The following TAFA5 variants were observed in gnomAD, a reference collection of about 807,000 sequenced individuals.
TAFA5 encodes chemokine-like protein TAFA-5.
In TAFA5, 6 loss-of-function variants were observed where a neutral mutation model predicts 15.3. The ratio of observed to expected loss-of-function variants is 0.39; its 90% CI spans 0.21 to 0.77. The LOEUF (loss-of-function observed/expected upper bound fraction) is 0.77. Among genes scored for constraint, TAFA5 ranks in the 30% least tolerant of loss-of-function variants. The pLI is 0.41. For missense variants in TAFA5, 161 were observed against 193.1 expected, an observed-to-expected ratio of 0.83 and a Z score of 0.98; for synonymous variants, 103 against 80.7, an observed-to-expected ratio of 1.28 and a Z score of -1.48.
At chr22:48,643,871 C>T (rs563719658) in intron 1 of TAFA5, among the ~76,000 whole-genome samples, 8 of 152,308 alleles carry the variant, frequency 5.3e-5, no homozygotes, top group East Asian at 3.9e-4. Flanking sequence ...GTGGCGGCAA[C>T]GCAGCCTGGA....
intron 2 of TAFA5, 106 bp from the exon 3 acceptor site, chr22:48,707,611 T>C: frequency 7.2e-7 from 1 of 1,396,046 alleles, no homozygotes; most frequent in Non-Finnish European, 9.7e-7. Context: ...ACGCCGGGCA[T>C]TGCCTGAGGG....
At chr22:48,596,241 C>T (rs1012419006) in intron 1 of TAFA5, among the ~76,000 whole-genome samples, 1 of 152,224 alleles carries the variant, frequency 6.6e-6, no homozygotes, top group Non-Finnish European at 1.5e-5. Flanking sequence ...GTTGAAGAGA[C>T]GCGGCCTTCT....
At chr22:48,537,757 CT>C (rs1922220235) in intron 1 of TAFA5, among the ~76,000 whole-genome samples, 1 of 152,232 alleles carries the variant, frequency 6.6e-6, no homozygotes, top group East Asian at 1.9e-4. Flanking sequence ...GCCCAGCAGC[CT>C]AGAAGGCCCC....
intron 1 of TAFA5, among the ~76,000 whole-genome samples, chr22:48,513,190 G>A (rs133508): frequency 0.27 from 41,092 of 152,124 alleles, 5,836 homozygotes; most frequent in Middle Eastern, 0.34. Context: ...ACCCTACACC[G>A]TCTACAGGAA....
intron 2 of TAFA5, among the ~76,000 whole-genome samples, chr22:48,689,188 G>A (rs1928460290): frequency 6.6e-6 from 1 of 152,100 alleles, no homozygotes; most frequent in Admixed American, 6.5e-5. Flanking sequence ...AGTTAGGGAG[G>A]CGCGGTTTTC....
At chr22:48,536,086 G>T (rs140455952) in intron 1 of TAFA5, among the ~76,000 whole-genome samples, 1 of 152,230 alleles carries the variant, frequency 6.6e-6, no homozygotes, top group African/African-American at 2.4e-5. Context: ...CGCATGCAGC[G>T]AGTTCCCGCA....
chr22:48,584,262 TCACACACCACA>T (rs1431475798), intron 1 of TAFA5, among the ~76,000 whole-genome samples: 1 of 103,764 alleles, frequency 9.6e-6, no homozygotes, highest in Non-Finnish European at 1.9e-5. Flanking sequence ...ACAAAATACA[TCACACACCACA>T]CACACACACA....
intron 1 of TAFA5, among the ~76,000 whole-genome samples, chr22:48,521,424 C>T (rs535452614): frequency 1.3e-5 from 2 of 152,000 alleles, no homozygotes; most frequent in East Asian, 3.9e-4. Flanking sequence ...CTCGCCTTTG[C>T]TTCCACCTCG....
chr22:48,705,241 G>A (rs886269437), intron 2 of TAFA5, among the ~76,000 whole-genome samples: 1 of 152,108 alleles, frequency 6.6e-6, no homozygotes, highest in Non-Finnish European at 1.5e-5. Flanking sequence ...TGAAGGTGCC[G>A]GGGGTGGGGT....
chr22:48,540,058 G>T (rs568536686), intron 1 of TAFA5, among the ~76,000 whole-genome samples: 1 of 152,194 alleles, frequency 6.6e-6, no homozygotes, highest in Admixed American at 6.5e-5. Flanking sequence ...GAGCAGCCGG[G>T]TAAAAGCCGG....
At chr22:48,634,329 TTCAA>T (rs1468117959) in intron 1 of TAFA5, among the ~76,000 whole-genome samples, 2 of 152,154 alleles carry the variant, frequency 1.3e-5, no homozygotes, top group Non-Finnish European at 2.9e-5. Context: ...CACTCACTTA[TTCAA>T]TCATTCACTC....
At chr22:48,697,552 GTGA>G (rs200480068) in intron 2 of TAFA5, among the ~76,000 whole-genome samples, 2 of 151,960 alleles carry the variant, frequency 1.3e-5, no homozygotes, top group East Asian at 3.9e-4. Context: ...AATCATGGTG[GTGA>G]TGGTGGTGGT....
Position 48,664,207 on chromosome 22 carries a change from C to T in TAFA5, c.262+17461C>T, listed in dbSNP as rs557864831. Among the ~76,000 whole-genome samples the T allele has an allele frequency of 8.5e-5, 13 of 152,296 alleles. No homozygotes were observed. The East Asian group carries it at 1.2e-3, about 14-fold the overall frequency. On this transcript the variant is annotated intron_variant, in intron 2 of 3. Coordinates refer to ENST00000402357, the MANE Select transcript of TAFA5 (RefSeq NM_001082967.3). ...GGCAGCTGGGTTTGGTACTCTCTGC[C>T]GTTCCAGTCAGCCACTGGTGGTCTG... is the stretch of plus-strand genomic sequence containing the variant.
chr22:48,558,849 G>C (rs1327107726), intron 1 of TAFA5, among the ~76,000 whole-genome samples: 1 of 152,216 alleles, frequency 6.6e-6, no homozygotes, highest in Non-Finnish European at 1.5e-5. Context: ...CGAACGGCGG[G>C]CCCACCTCCT....
rs532122588 is a variant in TAFA5 at position 48,704,680 on chromosome 22, G to A, written c.263-3037G>A. Among the ~76,000 whole-genome samples, 398 of 151,868 alleles carry A rather than the reference G, an allele frequency of 2.6e-3. 3 individuals are homozygous for A. Among genetic ancestry groups the A allele is most frequent in the African/African-American group, 9.1e-3 (378 of 41,372 alleles). ...CAAGGAGCACAGTTGCTTTTTCTCGGAGGGAGACACTGATTCTCAGCTGGA... is the reference window on the plus strand; with the variant it reads ...CAAGGAGCACAGTTGCTTTTTCTCGAAGGGAGACACTGATTCTCAGCTGGA... On this transcript the variant is annotated intron_variant, in intron 2 of 3. Coordinates refer to ENST00000402357, the MANE Select transcript of TAFA5 (RefSeq NM_001082967.3).
chr22:48,514,445 T>C (rs1258530514), intron 1 of TAFA5, among the ~76,000 whole-genome samples: 4 of 152,236 alleles, frequency 2.6e-5, no homozygotes, highest in Non-Finnish European at 5.9e-5. Context: ...GCCATGACTT[T>C]TGAGTCTCAG....
At chr22:48,503,075 T>G (rs1920962232) in intron 1 of TAFA5, among the ~76,000 whole-genome samples, 1 of 152,174 alleles carries the variant, frequency 6.6e-6, no homozygotes. Flanking sequence ...CTGTGAGTCT[T>G]GTTGGCTCAT....
chr22:48,638,984 C>T (rs1440640249), intron 1 of TAFA5, among the ~76,000 whole-genome samples: 4 of 151,192 alleles, frequency 2.6e-5, no homozygotes, highest in Admixed American at 1.3e-4. Flanking sequence ...GGGGGGACCC[C>T]GACACTAAGC....
chr22:48,689,441 G>A (rs1285150047), intron 2 of TAFA5, among the ~76,000 whole-genome samples: 2 of 152,166 alleles, frequency 1.3e-5, no homozygotes, highest in South Asian at 2.1e-4. Flanking sequence ...CCCCAGAAAA[G>A]GCCAGCCTGT....
Sources: allele counts gnomAD v4.1 joint callset (sites outside exome capture counted in the v4.1 genomes callset), GRCh38; gene constraint gnomAD v4.1.1; transcripts MANE v1.5; gene names NCBI Gene and HGNC (gene_info 2026-07-23, HGNC 2026-07-21).